The following FSTL4 variants were observed in gnomAD, a reference collection of about 807,000 sequenced individuals.
The protein encoded by FSTL4 is follistatin-related protein 4.
In FSTL4, 28 loss-of-function variants were observed where a neutral mutation model predicts 78.2. The ratio of observed to expected loss-of-function variants is 0.36; its 90% confidence interval spans 0.27 to 0.49. The LOEUF is 0.49. FSTL4 is among the 20% of genes least tolerant of loss of function. The pLI is 0.98. For missense variants in FSTL4, 922 were observed against 1,084.9 expected (o/e 0.85, Z 2.11); for synonymous variants, 422 against 440.5 (o/e 0.96, Z 0.53).
At chr5:133,475,697 G>A (rs1169917786) in intron 3 of FSTL4, among the ~76,000 whole-genome samples, 1 of 152,220 alleles carries the variant, frequency 6.6e-6, no homozygotes, top group Non-Finnish European at 1.5e-5. Context: ...TAAAGAATAA[G>A]TAATAGGCAA....
intron 14 of FSTL4, among the ~76,000 whole-genome samples, chr5:133,208,988 C>T (rs1275599005): frequency 2.0e-5 from 3 of 152,172 alleles, no homozygotes; most frequent in Non-Finnish European, 4.4e-5. Flanking sequence ...TCATCTATTG[C>T]AGTTTTAAAC....
the FSTL4 span, among the ~76,000 whole-genome samples, chr5:133,703,384 C>T: frequency 7.9e-5 from 12 of 152,228 alleles, no homozygotes; most frequent in Admixed American, 2.0e-4. Context: ...AAGCCAGGGT[C>T]GGCTCCTCCC....
chr5:133,826,914 A>C, the FSTL4 span, among the ~76,000 whole-genome samples: 3 of 152,240 alleles, frequency 2.0e-5, no homozygotes, highest in African/African-American at 7.2e-5. Flanking sequence ...ACCAGCACCC[A>C]GTGTGATTCC....
the FSTL4 span, among the ~76,000 whole-genome samples, chr5:133,732,358 C>G: frequency 1.2e-4 from 18 of 152,204 alleles, no homozygotes; most frequent in African/African-American, 4.3e-4. Flanking sequence ...CCTAGAACTC[C>G]CAGAAGAGAC....
At chr5:133,634,463 T>C in the FSTL4 span, among the ~76,000 whole-genome samples, 2 of 151,910 alleles carry the variant, frequency 1.3e-5, no homozygotes, top group East Asian at 1.9e-4. Flanking sequence ...CTGGAACATA[T>C]GAGGCAAAGA....
At chr5:133,367,969 C>T (rs1418280512) in intron 4 of FSTL4, among the ~76,000 whole-genome samples, 2 of 152,212 alleles carry the variant, frequency 1.3e-5, no homozygotes, top group Admixed American at 6.5e-5. Context: ...GATCAAGATC[C>T]CAGAGTCTAA....
At position 133,199,407 on chromosome 5, in the gene FSTL4, G is replaced by A. The variant is rs753697279; in HGVS notation, c.2217C>T (p.Phe739=). The A allele has an allele frequency of 1.9e-6, 3 of 1,614,230 alleles. No homozygotes were observed. The African/African-American group carries it at 4.0e-5, about 22-fold the overall frequency. ...QINSGISDLA[F]QRSFTESNQY... is the part of the protein sequence containing the mutation. ...GATTGCTTTCAGTGAAGGAGCGCTG[G>A]AAGGCCAAGTCTGAGATGCCCGAGT... Residue 739 remains phenylalanine (F), a synonymous_variant, in exon 16 of 16, where the codon TTC becomes TTT. Coordinates refer to ENST00000265342, the MANE Select transcript of FSTL4 (RefSeq NM_015082.2). The surrounding 1 kb of genome is among the most constrained non-coding windows in gnomAD (Gnocchi z 4.4).
chr5:133,275,578 A>G (rs1752865250), intron 6 of FSTL4, among the ~76,000 whole-genome samples: 1 of 151,272 alleles, frequency 6.6e-6, no homozygotes, highest in Non-Finnish European at 1.5e-5. Context: ...CAAAAAAAAA[A>G]GGAATTTCAA....
At chr5:133,311,324 G>A (rs1753778212) in intron 6 of FSTL4, among the ~76,000 whole-genome samples, 1 of 152,126 alleles carries the variant, frequency 6.6e-6, no homozygotes, top group Admixed American at 6.5e-5. Flanking sequence ...GCAGGTATGA[G>A]TTTGACTAGT....
chr5:133,348,538 G>T (rs1754750070), intron 4 of FSTL4, among the ~76,000 whole-genome samples: 1 of 152,244 alleles, frequency 6.6e-6, no homozygotes, highest in Non-Finnish European at 1.5e-5. Context: ...TGGGAAAGGG[G>T]CTGCAAGCCT....
At chr5:133,441,866 G>A (rs1482575403) in intron 3 of FSTL4, among the ~76,000 whole-genome samples, 1 of 152,192 alleles carries the variant, frequency 6.6e-6, no homozygotes, top group African/African-American at 2.4e-5. Flanking sequence ...AGTCCAGGCT[G>A]GCAGGGCCTG....
At chr5:133,400,426 C>T (rs1036753974) in intron 4 of FSTL4, among the ~76,000 whole-genome samples, 7 of 152,152 alleles carry the variant, frequency 4.6e-5, no homozygotes, top group African/African-American at 1.7e-4. Flanking sequence ...TTGCAAAGGC[C>T]CGTCCTATGT....
chr5:133,634,711 G>A, the FSTL4 span, among the ~76,000 whole-genome samples: 3 of 152,124 alleles, frequency 2.0e-5, no homozygotes, highest in South Asian at 6.2e-4. Context: ...CAGTTATGAG[G>A]TACTTACACA....
At chr5:133,607,029 T>C (rs1349932656) in intron 1 of FSTL4, among the ~76,000 whole-genome samples, 1 of 152,176 alleles carries the variant, frequency 6.6e-6, no homozygotes, top group Admixed American at 6.5e-5. Context: ...GGTTTGTGTT[T>C]ATATTTCCTG....
At chr5:133,510,959 T>G (rs1242362951) in intron 3 of FSTL4, among the ~76,000 whole-genome samples, 1 of 152,224 alleles carries the variant, frequency 6.6e-6, no homozygotes, top group East Asian at 1.9e-4. Flanking sequence ...CTGGCCCCTG[T>G]TTCAGAAGCC....
At chr5:133,816,235 C>T in the FSTL4 span, among the ~76,000 whole-genome samples, 1 of 152,306 alleles carries the variant, frequency 6.6e-6, no homozygotes. Context: ...GAGTGGAGGC[C>T]TTGCACTCTG....
rs184585767 is a variant in FSTL4, at chr5:133,392,957, C to T, written c.409+7781G>A. Among the ~76,000 whole-genome samples, 18 of 152,260 alleles carry T rather than the reference C, an allele frequency of 1.2e-4. No individual in the cohort carries two copies. In the East Asian group the frequency reaches 3.1e-3, roughly 26 times the overall value. ...GTTCTGTGGAGCACACCACACATGC[C>T]GAACTGATAATATTCTTGCACATTT... On this transcript the variant is annotated intron_variant, in intron 4 of 15. Coordinates refer to ENST00000265342, the MANE Select transcript of FSTL4 (RefSeq NM_015082.2).
At chr5:133,501,765 G>A (rs556356974) in intron 3 of FSTL4, among the ~76,000 whole-genome samples, 1 of 152,214 alleles carries the variant, frequency 6.6e-6, no homozygotes, top group South Asian at 2.1e-4. Flanking sequence ...CCTTCAAAAA[G>A]GTATGTTGAA....
At chr5:133,278,976 C>T (rs907835168) in intron 6 of FSTL4, among the ~76,000 whole-genome samples, 2 of 152,212 alleles carry the variant, frequency 1.3e-5, no homozygotes, top group African/African-American at 4.8e-5. Flanking sequence ...GTGTTTTGCC[C>T]GCCCTGCACT....
Sources: gnomAD v4.1 joint callset for allele counts (sites outside exome capture counted in the v4.1 genomes callset) on GRCh38, gnomAD v4.1.1 for gene constraint, Gnocchi (gnomAD v3.1) non-coding constraint, MANE v1.5 for transcripts, NCBI Gene and HGNC (gene_info 2026-07-23, HGNC 2026-07-21) for gene names.